The following NAALADL2 variants were observed in gnomAD, a reference collection of about 807,000 sequenced individuals.
NAALADL2 encodes the protein inactive N-acetylated-alpha-linked acidic dipeptidase-like protein 2.
In NAALADL2, 76 loss-of-function variants were observed where a neutral mutation model predicts 87.2. That is an observed-to-expected ratio of 0.87 (90% CI 0.72 to 1.05). The LOEUF (loss-of-function observed/expected upper bound fraction) is 1.05. Among genes scored for constraint, NAALADL2 ranks in the 50% least tolerant of loss-of-function variants. NAALADL2 has a pLI of 0.00. For missense variants in NAALADL2, 1,089 were observed against 945.8 expected (o/e 1.15, Z -1.99); for synonymous variants, 354 against 331.0 (o/e 1.07, Z -0.75).
At chr3:175,602,343 A>C (rs1336105931) in intron 10 of NAALADL2, among the ~76,000 whole-genome samples, 1 of 152,076 alleles carries the variant, frequency 6.6e-6, no homozygotes, top group Non-Finnish European at 1.5e-5. Flanking sequence ...TGAATGCATA[A>C]TGTAGGTATT....
intron 3 of NAALADL2, among the ~76,000 whole-genome samples, chr3:174,750,904 T>G (rs1384874845): frequency 6.6e-6 from 1 of 152,168 alleles, no homozygotes; most frequent in East Asian, 1.9e-4. Flanking sequence ...CAAAACCTTT[T>G]TTTTCTCTCA....
chr3:174,935,339 T>C (rs1737537432), intron 1 of NAALADL2, among the ~76,000 whole-genome samples: 1 of 152,188 alleles, frequency 6.6e-6, no homozygotes, highest in Non-Finnish European at 1.5e-5. Context: ...TCATGTAGAA[T>C]GAACATACAG....
In NAALADL2 at chr3:174,902,830, A is replaced by G. The variant is rs537519399; in HGVS notation, c.43+43380A>G. Among the ~76,000 whole-genome samples, 4 of 152,242 alleles carry G rather than the reference A, an allele frequency of 2.6e-5. No homozygotes were observed. The East Asian group carries it at 7.7e-4, about 29-fold the overall frequency. ...TCCAAAGGCATTATCTGAGATATAG[A>G]TGGAGCTTCTGAGAAATACATGCTT... On this transcript the variant is annotated intron_variant, in intron 1 of 13. Transcript: ENST00000454872.
chr3:174,938,804 T>A (rs977021545), intron 1 of NAALADL2, among the ~76,000 whole-genome samples: 16 of 152,024 alleles, frequency 1.1e-4, no homozygotes, highest in African/African-American at 2.9e-4. Context: ...TGCTTGTTGA[T>A]CACATACATG....
At chr3:175,033,637 G>T (rs1012287496) in intron 1 of NAALADL2, among the ~76,000 whole-genome samples, 2 of 151,902 alleles carry the variant, frequency 1.3e-5, no homozygotes, top group Non-Finnish European at 2.9e-5. Context: ...TCTCCTTTTT[G>T]TTTGAAACAC....
At chr3:174,989,070 G>T (rs1359465874) in intron 1 of NAALADL2, among the ~76,000 whole-genome samples, 1 of 152,126 alleles carries the variant, frequency 6.6e-6, no homozygotes, top group African/African-American at 2.4e-5. Flanking sequence ...AGAGAGGGAA[G>T]GGAGATACCC....
intron 9 of NAALADL2, among the ~76,000 whole-genome samples, chr3:175,494,840 T>C (rs979697313): frequency 6.6e-6 from 1 of 152,050 alleles, no homozygotes; most frequent in African/African-American, 2.4e-5. Flanking sequence ...TTAGTTGGTC[T>C]GTCTTTTCCA....
At chr3:174,798,836 A>G (rs1298280891) in intron 3 of NAALADL2, among the ~76,000 whole-genome samples, 2 of 151,828 alleles carry the variant, frequency 1.3e-5, no homozygotes, top group African/African-American at 4.8e-5. Flanking sequence ...ATTCCTATGG[A>G]TTTTTTTATA....
intron 4 of NAALADL2, among the ~76,000 whole-genome samples, chr3:175,285,118 C>G (rs2110104920): frequency 6.6e-6 from 1 of 152,090 alleles, no homozygotes; most frequent in African/African-American, 2.4e-5. Flanking sequence ...ATTTTTTATT[C>G]TTAATTTTTT....
intron 2 of NAALADL2, among the ~76,000 whole-genome samples, chr3:175,098,084 G>A (rs1721461948): frequency 6.6e-6 from 1 of 152,120 alleles, no homozygotes; most frequent in South Asian, 2.1e-4. Context: ...AGGTGTATTG[G>A]TGTTGGTGGA....
chr3:175,616,382 TA>T (rs958105494), intron 10 of NAALADL2, among the ~76,000 whole-genome samples: 1 of 151,622 alleles, frequency 6.6e-6, no homozygotes, highest in African/African-American at 2.4e-5. Context: ...TACTCACGTT[TA>T]AAAAATCTAC....
In NAALADL2 at chr3:175,810,128, T is replaced by C. The variant is rs1303023826; in HGVS notation, c.*6925T>C. ...TGTTGTTAACTGATTTTTAATGATATTGATTTAGAGGCATTTGTCGGTAGT... is the reference window on the plus strand; with the variant it reads ...TGTTGTTAACTGATTTTTAATGATACTGATTTAGAGGCATTTGTCGGTAGT... On this transcript the variant is annotated 3_prime_UTR_variant, in exon 14 of 14. Transcript: ENST00000454872. 1 of 152,022 alleles carries C rather than the reference T, an allele frequency of 6.6e-6. No homozygotes were observed. The highest frequency in any genetic ancestry group is 1.5e-5 in the Non-Finnish European group (1 of 67,926). 9.4% of individuals were successfully genotyped at this position (152,022 alleles called of 1,614,324 possible). A position where few individuals can be genotyped will look rare whatever the true frequency, so the allele number is the denominator to read the frequency against.
chr3:175,462,803 A>C (rs955135198), intron 6 of NAALADL2, among the ~76,000 whole-genome samples: 15 of 152,228 alleles, frequency 9.9e-5, no homozygotes, highest in African/African-American at 2.7e-4. Context: ...TCAAAAAGGT[A>C]GAGCGATTAG....
intron 2 of NAALADL2, among the ~76,000 whole-genome samples, chr3:174,642,034 C>T (rs566748596): frequency 4.3e-4 from 66 of 152,228 alleles, no homozygotes; most frequent in African/African-American, 1.5e-3. Flanking sequence ...GCTAGGATTA[C>T]AGGCATGAGC....
At position 175,810,313 on chromosome 3, in the gene NAALADL2, A is replaced by C. The variant is rs937874124; in HGVS notation, c.*7110A>C. The C allele has an allele frequency of 3.3e-5, 5 of 152,036 alleles. No individual in the cohort carries two copies. Among genetic ancestry groups the C allele is most frequent in the Non-Finnish European group, 5.9e-5 (4 of 67,980 alleles). The allele number at this position is 152,036 out of a possible 1,614,324, so 9.4% of individuals were successfully genotyped here. ...ACTCAATATGCATCTTACTTAAGAAATTATGTTGTGATCTGGAGTGACACA... is the reference window on the plus strand; with the variant it reads ...ACTCAATATGCATCTTACTTAAGAACTTATGTTGTGATCTGGAGTGACACA... On this transcript the variant is annotated 3_prime_UTR_variant, in exon 14 of 14. Transcript: ENST00000454872.
intron 5 of NAALADL2, among the ~76,000 whole-genome samples, chr3:175,333,949 A>G (rs910038633): frequency 6.6e-5 from 10 of 152,198 alleles, no homozygotes; most frequent in Admixed American, 5.9e-4. Flanking sequence ...ATCACCATAT[A>G]TATGTATAAA....
At chr3:175,522,390 A>G (rs1732775559) in intron 9 of NAALADL2, among the ~76,000 whole-genome samples, 1 of 152,168 alleles carries the variant, frequency 6.6e-6, no homozygotes, top group Non-Finnish European at 1.5e-5. Context: ...GCCTGGGTTG[A>G]CTTATGAAGG....
At chr3:175,560,619 C>T (rs1487057307) in intron 9 of NAALADL2, among the ~76,000 whole-genome samples, 1 of 151,878 alleles carries the variant, frequency 6.6e-6, no homozygotes, top group Non-Finnish European at 1.5e-5. Context: ...CTATAAATTT[C>T]CCTCTTAGTA....
chr3:174,589,975 C>T (rs746910511), intron 2 of NAALADL2, among the ~76,000 whole-genome samples: 3 of 151,636 alleles, frequency 2.0e-5, no homozygotes, highest in Non-Finnish European at 2.9e-5. Context: ...TTATCAAGGG[C>T]CAAAACTTCT....
Sources: allele counts gnomAD v4.1 joint callset (sites outside exome capture counted in the v4.1 genomes callset), GRCh38; gene constraint gnomAD v4.1.1; transcripts MANE v1.5; gene names NCBI Gene and HGNC (gene_info 2026-07-23, HGNC 2026-07-21).